FHL5: variants seen among roughly 807,000 people sequenced by gnomAD.
The protein encoded by FHL5 is four and a half LIM domains protein 5.
FHL5 carries 33 observed loss-of-function variants against 32.0 expected under a neutral mutation model. The observed-to-expected ratio is 1.03, with a 90% CI of 0.78 to 1.38. FHL5 has a LOEUF of 1.38. Among genes scored for constraint, FHL5 ranks in the 40% most tolerant of loss-of-function variants. The pLI, the probability that FHL5 is intolerant of heterozygous loss-of-function variation, is 0.00. For synonymous variants in FHL5, 114 were observed against 113.6 expected (o/e 1.00, Z -0.02); for missense variants, 336 against 343.9 (o/e 0.98, Z 0.18).
intron 2 of FHL5, 70 bp from the exon 3 acceptor site, chr6:96,604,680 A>G (rs1771231430): frequency 8.0e-7 from 1 of 1,249,038 alleles, no homozygotes. Context: ...AGGAGTGTTC[A>G]GTTTTGTTTC....
At chr6:96,570,868 T>C (rs1481800357) in intron 1 of FHL5, among the ~76,000 whole-genome samples, 3 of 152,096 alleles carry the variant, frequency 2.0e-5, no homozygotes, top group African/African-American at 7.2e-5. Context: ...TTTATCTCTT[T>C]ATTGAATTTT....
chr6:96,574,186 G>A (rs910024145), intron 1 of FHL5, among the ~76,000 whole-genome samples: 25 of 152,138 alleles, frequency 1.6e-4, no homozygotes, highest in African/African-American at 5.8e-4. Context: ...AAACCATTTA[G>A]TAAATATATA....
intron 1 of FHL5, among the ~76,000 whole-genome samples, chr6:96,594,227 T>TTTTATA (rs1770981559): frequency 6.0e-5 from 4 of 66,882 alleles, no homozygotes; most frequent in Non-Finnish European, 8.3e-5. Context: ...ATATTAGAAT[T>TTTTATA]TATATATATA....
intron 1 of FHL5, among the ~76,000 whole-genome samples, chr6:96,575,616 G>C (rs900425106): frequency 6.6e-6 from 1 of 152,166 alleles, no homozygotes; most frequent in African/African-American, 2.4e-5. Context: ...CTTTTGCCCA[G>C]TTACTTACCA....
intron 1 of FHL5, among the ~76,000 whole-genome samples, chr6:96,596,090 C>T (rs533630015): frequency 3.2e-4 from 49 of 151,812 alleles, no homozygotes; most frequent in Non-Finnish European, 5.9e-4. Context: ...TTAAACTAAG[C>T]CTTTTAAACT....
intron 1 of FHL5, among the ~76,000 whole-genome samples, chr6:96,572,784 T>A (rs758190148): frequency 1.3e-5 from 2 of 152,188 alleles, no homozygotes; most frequent in Non-Finnish European, 2.9e-5. Flanking sequence ...CCTGCTTACC[T>A]CCTCACCATA....
chr6:96,614,139 A>T (rs1393099251), intron 5 of FHL5, among the ~76,000 whole-genome samples: 2 of 152,178 alleles, frequency 1.3e-5, no homozygotes, highest in Non-Finnish European at 2.9e-5. Flanking sequence ...ACTTTTTCTT[A>T]TTTGTAAAAT....
At chr6:96,565,479 A>T (rs1770336744) in intron 1 of FHL5, among the ~76,000 whole-genome samples, 2 of 152,096 alleles carry the variant, frequency 1.3e-5, no homozygotes, top group South Asian at 4.1e-4. Flanking sequence ...TGTCTTCTCA[A>T]ATTCTTCGGT....
At position 96,591,141 on chromosome 6, in the gene FHL5, G is replaced by A. The variant is rs118041787; in HGVS notation, c.-12-12461G>A. Among the ~76,000 whole-genome samples, 145 of 152,214 alleles carry A rather than the reference G, an allele frequency of 9.5e-4. No individual in the cohort carries two copies. The East Asian group carries it at 0.024, about 25-fold the overall frequency. ...TTTGTACTTACTTGATTTGGTTTGT[G>A]TGAGATTGCTGTTATTTCTTCTTTA... On this transcript the variant is annotated intron_variant, in intron 1 of 5. Transcript: ENST00000450218.
At chr6:96,575,846 C>A (rs1770573425) in intron 1 of FHL5, among the ~76,000 whole-genome samples, 1 of 152,176 alleles carries the variant, frequency 6.6e-6, no homozygotes, top group Non-Finnish European at 1.5e-5. Context: ...ATAGATCTAC[C>A]TTTTCAGTAT....
chr6:96,596,717 G>A (rs889894650), intron 1 of FHL5, among the ~76,000 whole-genome samples: 5 of 151,984 alleles, frequency 3.3e-5, no homozygotes, highest in Admixed American at 2.6e-4. Context: ...GCTCATCCAG[G>A]AAAATAGTCT....
Position 96,617,856 on chromosome 6 carries a change from T to C in FHL5, c.*2084T>C, listed in dbSNP as rs1394157671. 6.6e-6 allele frequency among the ~76,000 whole-genome samples: 1 copy of C among 152,232 alleles called. No homozygotes were observed. The highest frequency in any genetic ancestry group is 1.5e-5 in the Non-Finnish European group (1 of 68,024). ...AATTCACAGAATCATTTCCTAAAGATTTTATTATCCTTTCATAAGTATAAA... is the reference window on the plus strand; with the variant it reads ...AATTCACAGAATCATTTCCTAAAGACTTTATTATCCTTTCATAAGTATAAA... On this transcript the variant is annotated 3_prime_UTR_variant, in exon 6 of 6. Coordinates refer to ENST00000450218, the MANE Select transcript of FHL5 (RefSeq NM_001322466.2).
chr6:96,608,292 T>C (rs1771326957), intron 4 of FHL5, among the ~76,000 whole-genome samples: 1 of 152,240 alleles, frequency 6.6e-6, no homozygotes, highest in African/African-American at 2.4e-5. Flanking sequence ...CCTGTAACTA[T>C]ATTTAGGATA....
At chr6:96,573,615 G>A (rs370084707) in intron 1 of FHL5, among the ~76,000 whole-genome samples, 429 of 142,926 alleles carry the variant, frequency 3.0e-3, no homozygotes, top group African/African-American at 0.011. Flanking sequence ...TCCACCTCCC[G>A]GGTTCACGCC....
rs1289945641 is a variant in FHL5, at chr6:96,607,206, G to A, written c.504+1135G>A. On this transcript the variant is annotated intron_variant, in intron 4 of 5. Coordinates refer to ENST00000450218, the MANE Select transcript of FHL5 (RefSeq NM_001322466.2). ...TCTCAAAGAAATCCTTGACCTGCGAGGCATCATAAGTTTAAAATGACACCA... is the reference window on the plus strand; with the variant it reads ...TCTCAAAGAAATCCTTGACCTGCGAAGCATCATAAGTTTAAAATGACACCA... 2.7e-5 allele frequency among the ~76,000 whole-genome samples: 4 copies of A among 150,686 alleles called. 1 individual carries two copies. The highest frequency in any genetic ancestry group is 2.6e-4 in the Admixed American group (4 of 15,214).
chr6:96,610,066 T>G (rs987441488), intron 4 of FHL5, among the ~76,000 whole-genome samples: 2 of 152,156 alleles, frequency 1.3e-5, no homozygotes, highest in Non-Finnish European at 2.9e-5. Flanking sequence ...GTGTAAAGCA[T>G]TCAGGAAAAA....
At chr6:96,566,032 TTGAAAATA>T (rs1381161617) in intron 1 of FHL5, among the ~76,000 whole-genome samples, 1 of 152,014 alleles carries the variant, frequency 6.6e-6, no homozygotes, top group Non-Finnish European at 1.5e-5. Context: ...TTCTAGCTAT[TTGAAAATA>T]TACAATAAAT....
intron 1 of FHL5, among the ~76,000 whole-genome samples, chr6:96,584,228 A>G (rs1157566669): frequency 6.6e-6 from 1 of 152,222 alleles, no homozygotes. Flanking sequence ...CCTGAAATAT[A>G]TGAAAATGCT....
intron 1 of FHL5, among the ~76,000 whole-genome samples, chr6:96,594,373 C>T (rs1770993238): frequency 6.6e-6 from 1 of 150,498 alleles, no homozygotes; most frequent in Non-Finnish European, 1.5e-5. Context: ...TTTTGTTTTA[C>T]CCCCAGAGGA....
Sources: gnomAD v4.1 joint callset for allele counts (sites outside exome capture counted in the v4.1 genomes callset) on GRCh38, gnomAD v4.1.1 for gene constraint, MANE v1.5 for transcripts, NCBI Gene and HGNC (gene_info 2026-07-23, HGNC 2026-07-21) for gene names.